Variants in IL20RA observed in about 807,000 individuals in gnomAD.
IL20RA encodes the protein interleukin-20 receptor subunit alpha.
IL20RA carries 29 observed loss-of-function variants against 36.5 expected under a neutral mutation model. That is an observed-to-expected ratio of 0.79 (90% CI 0.59 to 1.08). The LOEUF is 1.08. IL20RA is among the 50% of genes least tolerant of loss of function. IL20RA has a pLI of 0.00. For synonymous variants in IL20RA, 279 were observed against 267.1 expected, an observed-to-expected ratio of 1.04 and a Z score of -0.43; for missense variants, 652 against 668.4, an observed-to-expected ratio of 0.98 and a Z score of 0.27.
chr6:137,008,216 T>A (rs1226698535), intron 5 of IL20RA, among the ~76,000 whole-genome samples: 1 of 152,176 alleles, frequency 6.6e-6, no homozygotes, highest in Non-Finnish European at 1.5e-5. Context: ...CCTCCCTCCT[T>A]GGCCTCCCAA....
At chr6:137,026,172 C>T (rs1776082777) in intron 1 of IL20RA, among the ~76,000 whole-genome samples, 1 of 152,206 alleles carries the variant, frequency 6.6e-6, no homozygotes, top group South Asian at 2.1e-4. Context: ...GAAAAAGTCC[C>T]CAGATGTCCT....
chr6:137,032,482 T>C (rs1425724110), intron 1 of IL20RA, among the ~76,000 whole-genome samples: 4 of 152,166 alleles, frequency 2.6e-5, no homozygotes, highest in Non-Finnish European at 4.4e-5. Context: ...GAGGAGGGGC[T>C]GAACTTCCAT....
At position 137,001,948 on chromosome 6, in the gene IL20RA, C is replaced by T; in HGVS notation, c.1272G>A (p.Glu424=). ...PEEQELSLQE[E]VSTQGTLLES... Reference sequence around the variant, plus strand: ...CCAATAATGTTCCTTGTGTGGACACCTCCTCCTGCAAACTGAGCTCCTGCT... The same window carrying T: ...CCAATAATGTTCCTTGTGTGGACACTTCCTCCTGCAAACTGAGCTCCTGCT... The change falls in exon 7 of 7, where the codon GAG becomes GAA. Residue 424 remains glutamate (E), a synonymous_variant. Transcript: ENST00000316649. 2 of 1,614,136 alleles carry T rather than the reference C, an allele frequency of 1.2e-6. No homozygotes were observed. The highest frequency in any genetic ancestry group is 1.7e-6 in the Non-Finnish European group (2 of 1,180,034).
chr6:137,032,503 C>G (rs190610930), intron 1 of IL20RA, among the ~76,000 whole-genome samples: 3 of 152,272 alleles, frequency 2.0e-5, no homozygotes, highest in Admixed American at 6.5e-5. Context: ...CCTCTGATTT[C>G]CCGATTGCTA....
chr6:137,023,306 T>C (rs555137094), intron 1 of IL20RA, among the ~76,000 whole-genome samples: 41 of 149,744 alleles, frequency 2.7e-4, no homozygotes, highest in African/African-American at 9.2e-4. Context: ...ACAGTGTCTT[T>C]GGAACTGTCA....
In IL20RA at chr6:137,044,806, G is replaced by T; in HGVS notation, c.-78C>A. On this transcript the variant is annotated 5_prime_UTR_variant, in exon 1 of 7. Coordinates refer to ENST00000316649, the MANE Select transcript of IL20RA (RefSeq NM_014432.4). Reference sequence around the variant, plus strand: ...GCCCGCTGGGGCCAAGCGCGGCCGCGCGGCCTCAGCTCCGCGCCTGGGGCT... The same window carrying T: ...GCCCGCTGGGGCCAAGCGCGGCCGCTCGGCCTCAGCTCCGCGCCTGGGGCT... 2.5e-6 allele frequency: 3 copies of T among 1,187,234 alleles called. No homozygotes were observed. Among genetic ancestry groups the T allele is most frequent in the Non-Finnish European group, 3.1e-6 (3 of 956,250 alleles). 73.5% of individuals were successfully genotyped at this position (1,187,234 alleles called of 1,614,324 possible). A position where few individuals can be genotyped will look rare whatever the true frequency, so the allele number is the denominator to read the frequency against.
At position 137,008,649 on chromosome 6, in the gene IL20RA, G is replaced by A. The variant is rs1432817529; in HGVS notation, c.674C>T (p.Pro225Leu). 1.2e-6 allele frequency: 2 copies of A among 1,607,018 alleles called. No homozygotes were observed. Among genetic ancestry groups the A allele is most frequent in the South Asian group, 1.1e-5 (1 of 88,802 alleles). Reference protein sequence around the residue: ...CVHVESFVPGPPRRAQPSEKQ... With the variant: ...CVHVESFVPGLPRRAQPSEKQ... Reference sequence around the variant, plus strand: ...CTCAGAAGGCTGAGCACGGCGAGGGGGCCCTGGGACGAAGGACTCCACGTG... The same window carrying A: ...CTCAGAAGGCTGAGCACGGCGAGGGAGCCCTGGGACGAAGGACTCCACGTG... Residue 225 changes from proline (P) to leucine (L), a missense_variant, in exon 5 of 7, where the codon CCC becomes CTC. Physicochemically the swap from Pro to Leu is moderately conservative, Grantham distance 98. Coordinates refer to ENST00000316649, the MANE Select transcript of IL20RA (RefSeq NM_014432.4).
rs1216232256 is a variant in IL20RA, at chr6:137,030,070, G to T, written c.89-12967C>A. ...GGTGGAAAATGTCAGCGGTTTGCGGGTTTTTTTTTTTTTTTTTTTTTTTTT... is the reference window on the plus strand; with the variant it reads ...GGTGGAAAATGTCAGCGGTTTGCGGTTTTTTTTTTTTTTTTTTTTTTTTTT... On this transcript the variant is annotated intron_variant, in intron 1 of 6. Coordinates refer to ENST00000316649, the MANE Select transcript of IL20RA (RefSeq NM_014432.4). 2.7e-4 allele frequency among the ~76,000 whole-genome samples: 17 copies of T among 62,852 alleles called. No homozygotes were observed. The East Asian group carries it at 2.8e-3, about 10-fold the overall frequency. The allele number at this position is 62,852 out of a possible 152,430, so 41.2% of individuals were successfully genotyped here.
At chr6:137,027,754 T>A (rs997773235) in intron 1 of IL20RA, among the ~76,000 whole-genome samples, 1 of 152,198 alleles carries the variant, frequency 6.6e-6, no homozygotes, top group Admixed American at 6.5e-5. Context: ...GCTTAGTGGA[T>A]AGAGGCCCAG....
intron 4 of IL20RA, 34 bp from the exon 5 acceptor site, chr6:137,008,777 C>T: frequency 6.6e-7 from 1 of 1,510,340 alleles, no homozygotes; most frequent in Non-Finnish European, 8.9e-7. Context: ...TGGTTAGAGC[C>T]AGACATTTCT....
At chr6:137,009,576 A>G (rs1775401452) in intron 3 of IL20RA, 84 bp from the exon 4 acceptor site, 1 of 713,588 alleles carries the variant, frequency 1.4e-6, no homozygotes, top group Non-Finnish European at 2.4e-6. Flanking sequence ...TACTTGGATC[A>G]AGGCCCTAAA....
intron 1 of IL20RA, among the ~76,000 whole-genome samples, chr6:137,026,624 AG>A (rs758583602): frequency 3.3e-5 from 5 of 152,212 alleles, no homozygotes; most frequent in Non-Finnish European, 5.9e-5. Flanking sequence ...CAAGGTTAAA[AG>A]GCAGTACAGA....
rs1774972170 is a variant in IL20RA, at chr6:137,000,050, T to C, written c.*1508A>G. 6.6e-6 allele frequency: 1 copy of C among 152,252 alleles called. No homozygotes were observed. The highest frequency in any genetic ancestry group is 6.5e-5 in the Admixed American group (1 of 15,292). 9.4% of individuals were successfully genotyped at this position (152,252 alleles called of 1,614,324 possible). On this transcript the variant is annotated 3_prime_UTR_variant, in exon 7 of 7. Coordinates refer to ENST00000316649, the MANE Select transcript of IL20RA (RefSeq NM_014432.4). ...ACTCTTGAACTACTTTTACAGTTAG[T>C]GTAATACATCTGTTCTTCAAAACCA...
chr6:137,029,000 C>T (rs903582467), intron 1 of IL20RA, among the ~76,000 whole-genome samples: 4 of 152,168 alleles, frequency 2.6e-5, no homozygotes, highest in African/African-American at 9.7e-5. Flanking sequence ...GAAAGTTTGC[C>T]ACTCAATGGG....
intron 1 of IL20RA, among the ~76,000 whole-genome samples, chr6:137,025,343 T>TA (rs1459256527): frequency 6.6e-6 from 1 of 152,130 alleles, no homozygotes; most frequent in Non-Finnish European, 1.5e-5. Flanking sequence ...TGTGAGGACA[T>TA]AGTGAGAAGA....
intron 4 of IL20RA, 43 bp from the exon 5 acceptor site, chr6:137,008,786 C>T (rs1391815739): frequency 1.4e-6 from 2 of 1,456,470 alleles, no homozygotes; most frequent in Non-Finnish European, 1.8e-6. Context: ...CCAGACATTT[C>T]TGGGACCACC....
At chr6:137,009,764 C>G (rs1002175482) in intron 3 of IL20RA, among the ~76,000 whole-genome samples, 1 of 151,986 alleles carries the variant, frequency 6.6e-6, no homozygotes, top group African/African-American at 2.4e-5. Flanking sequence ...TGCCAACACA[C>G]CCAGCTAATT....
intron 1 of IL20RA, among the ~76,000 whole-genome samples, chr6:137,025,772 G>T (rs1353017620): frequency 6.6e-6 from 1 of 152,210 alleles, no homozygotes; most frequent in Non-Finnish European, 1.5e-5. Flanking sequence ...GAATACTAGG[G>T]TTGCCATCTA....
chr6:137,044,234 C>T, intron 1 of IL20RA: 2 of 989,784 alleles, frequency 2.0e-6, no homozygotes, highest in Non-Finnish European at 2.4e-6. Flanking sequence ...CACAGGGGCC[C>T]CTCCGCGCGG....
Sources: allele counts gnomAD v4.1 joint callset (sites outside exome capture counted in the v4.1 genomes callset), GRCh38; gene constraint gnomAD v4.1.1; transcripts MANE v1.5; gene names NCBI Gene and HGNC (gene_info 2026-07-23, HGNC 2026-07-21).